PTPN12: variants seen among roughly 807,000 people sequenced by gnomAD.
PTPN12 encodes protein tyrosine phosphatase non-receptor type 12.
A neutral mutation model predicts 97.6 loss-of-function variants in PTPN12; 29 were observed. The ratio of observed to expected loss-of-function variants is 0.30; its 90% CI spans 0.22 to 0.41. The LOEUF (loss-of-function observed/expected upper bound fraction) is 0.41, where lower values mean the gene tolerates loss of function less well. Ranked by LOEUF, PTPN12 falls within the 10% of genes least tolerant of loss-of-function variation. The pLI is 1.00. For synonymous variants in PTPN12, 327 were observed against 300.4 expected, an observed-to-expected ratio of 1.09 and a Z score of -0.91; for missense variants, 819 against 926.0, an observed-to-expected ratio of 0.88 and a Z score of 1.50.
chr7:77,593,412 A>G (rs1265130174), intron 6 of PTPN12, among the ~76,000 whole-genome samples: 1 of 152,232 alleles, frequency 6.6e-6, no homozygotes, highest in Non-Finnish European at 1.5e-5. Flanking sequence ...TGGCTCAGGC[A>G]GTTATGGAGG....
At chr7:77,636,234 G>T (rs1363970974) in intron 15 of PTPN12, among the ~76,000 whole-genome samples, 1 of 151,484 alleles carries the variant, frequency 6.6e-6, no homozygotes, top group African/African-American at 2.4e-5. Flanking sequence ...CGCTTCTTTT[G>T]TTTTTTTCTG....
chr7:77,585,698 C>T, intron 5 of PTPN12, 117 bp downstream of exon 5: 2 of 788,816 alleles, frequency 2.5e-6, no homozygotes, highest in Non-Finnish European at 4.0e-6. Context: ...TTTTGGGGTA[C>T]TGCTGTTGCT....
chr7:77,577,684 A>G (rs917126238), intron 2 of PTPN12, among the ~76,000 whole-genome samples: 3 of 152,254 alleles, frequency 2.0e-5, no homozygotes, highest in East Asian at 3.8e-4. Flanking sequence ...GATATGCTGT[A>G]TAAGTAGCAT....
At chr7:77,600,977 T>G in intron 8 of PTPN12, 171 bp downstream of exon 8, 1 of 576,368 alleles carries the variant, frequency 1.7e-6, no homozygotes, top group Non-Finnish European at 3.0e-6. Flanking sequence ...ACAGACCGTT[T>G]AGAGTATTGT....
At chr7:77,550,565 C>T (rs2151300037) in intron 1 of PTPN12, among the ~76,000 whole-genome samples, 1 of 152,132 alleles carries the variant, frequency 6.6e-6, no homozygotes, top group South Asian at 2.1e-4. Flanking sequence ...AATGAATGCC[C>T]TTTAAAGATT....
intron 1 of PTPN12, among the ~76,000 whole-genome samples, chr7:77,564,364 A>G (rs1808136358): frequency 6.6e-6 from 1 of 152,184 alleles, no homozygotes; most frequent in African/African-American, 2.4e-5. Context: ...GTAGGGTTAA[A>G]TTAATACTAT....
At chr7:77,608,386 T>C (rs560755641) in intron 9 of PTPN12, among the ~76,000 whole-genome samples, 4 of 152,348 alleles carry the variant, frequency 2.6e-5, no homozygotes, top group African/African-American at 9.6e-5. Flanking sequence ...GTGATTGTTG[T>C]TCCTACTACT....
intron 15 of PTPN12, among the ~76,000 whole-genome samples, chr7:77,636,108 T>A (rs1789581035): frequency 6.6e-6 from 1 of 152,188 alleles, no homozygotes; most frequent in Admixed American, 6.5e-5. Context: ...TTGAAATATG[T>A]AAATTATGCT....
chr7:77,552,497 T>C (rs755195566), intron 1 of PTPN12, among the ~76,000 whole-genome samples: 13 of 152,182 alleles, frequency 8.5e-5, no homozygotes, highest in Non-Finnish European at 1.5e-4. Flanking sequence ...AAAGAAGGTA[T>C]AGAGGTTTTA....
intron 9 of PTPN12, among the ~76,000 whole-genome samples, chr7:77,609,905 C>A (rs10278337): frequency 0.71 from 105,771 of 149,902 alleles, 38,253 homozygotes; most frequent in East Asian, 0.9. Context: ...AAAAAAAAAA[C>A]CCAAAAATCT....
chr7:77,607,444 T>A (rs1228716381), intron 9 of PTPN12, 143 bp downstream of exon 9: 3 of 633,064 alleles, frequency 4.7e-6, no homozygotes, highest in Non-Finnish European at 7.7e-6. Flanking sequence ...GAAATAAAGG[T>A]AGTGAAGGCC....
chr7:77,634,682 C>G (rs925389657), intron 14 of PTPN12, among the ~76,000 whole-genome samples: 2 of 151,632 alleles, frequency 1.3e-5, no homozygotes, highest in African/African-American at 4.8e-5. Context: ...ACCTCATGAT[C>G]CGCCCACCTC....
chr7:77,590,722 G>T (rs1262754091), intron 5 of PTPN12, among the ~76,000 whole-genome samples: 1 of 152,014 alleles, frequency 6.6e-6, no homozygotes. Flanking sequence ...CACCATGCCT[G>T]GCTAATTTTT....
At chr7:77,602,656 T>C (rs1202163584) in intron 8 of PTPN12, among the ~76,000 whole-genome samples, 1 of 151,994 alleles carries the variant, frequency 6.6e-6, no homozygotes, top group African/African-American at 2.4e-5. Flanking sequence ...CATTATAATA[T>C]GGGTGATACA....
intron 3 of PTPN12, 83 bp downstream of exon 3, chr7:77,581,586 T>A: frequency 2.9e-6 from 2 of 683,012 alleles, no homozygotes; most frequent in Non-Finnish European, 2.4e-6. Flanking sequence ...TTTGAATTGC[T>A]CAAACATGAT....
intron 16 of PTPN12, among the ~76,000 whole-genome samples, chr7:77,637,857 CAA>C (rs754983873): frequency 5.4e-5 from 3 of 55,616 alleles, no homozygotes; most frequent in African/African-American, 7.4e-5. Flanking sequence ...AACTCCGTCT[CAA>C]AAAAAAAAAA....
At chr7:77,555,047 C>T (rs1327774671) in intron 1 of PTPN12, among the ~76,000 whole-genome samples, 1 of 152,028 alleles carries the variant, frequency 6.6e-6, no homozygotes, top group Non-Finnish European at 1.5e-5. Context: ...GATAATTTTG[C>T]AAGGTTCAGG....
rs1788176817 is a variant in PTPN12, at chr7:77,601,177, C to T, written c.695+371C>T. ...CCTGAAACAATGACCAAGCAATTTT[C>T]ATTCCTGATAAACACTGACATGAGA... On this transcript the variant is annotated intron_variant, in intron 8 of 17. Coordinates refer to ENST00000248594, the MANE Select transcript of PTPN12 (RefSeq NM_002835.4). 2.6e-5 allele frequency among the ~76,000 whole-genome samples: 4 copies of T among 152,108 alleles called. No homozygotes were observed. In the South Asian group the frequency reaches 8.3e-4, roughly 32 times the overall value.
chr7:77,545,681 G>A, intron 1 of PTPN12: 1 of 150,846 alleles, frequency 6.6e-6, no homozygotes, highest in East Asian at 1.9e-4. Flanking sequence ...TGTAACTTTG[G>A]TCCTAGTTGA....
Sources: gnomAD v4.1 joint callset for allele counts (sites outside exome capture counted in the v4.1 genomes callset) on GRCh38, gnomAD v4.1.1 for gene constraint, MANE v1.5 for transcripts, NCBI Gene and HGNC (gene_info 2026-07-23, HGNC 2026-07-21) for gene names.